MAPKAPK5: variants seen among roughly 807,000 people sequenced by gnomAD.
MAPKAPK5 encodes MAPK activated protein kinase 5.
MAPKAPK5 carries 30 observed loss-of-function variants against 65.1 expected under a neutral mutation model. The ratio of observed to expected loss-of-function variants is 0.46; its 90% CI spans 0.34 to 0.63. The LOEUF (loss-of-function observed/expected upper bound fraction) is 0.63, where lower values mean the gene tolerates loss of function less well. Among genes scored for constraint, MAPKAPK5 ranks in the 20% least tolerant of loss-of-function variants. The pLI is 0.01. For missense variants in MAPKAPK5, 433 were observed against 581.4 expected, an observed-to-expected ratio of 0.74 and a Z score of 2.63; for synonymous variants, 179 against 204.6, an observed-to-expected ratio of 0.87 and a Z score of 1.07.
chr12:111,842,544 C>T lies in MAPKAPK5; in HGVS notation c.-190C>T. 2.7e-6 allele frequency: 1 copy of T among 371,820 alleles called. No individual in the cohort carries two copies. The highest frequency in any genetic ancestry group is 4.7e-5 in the Admixed American group (1 of 21,268). 23.0% of individuals were successfully genotyped at this position (371,820 alleles called of 1,614,324 possible). ...CCGCCTCCGCCGCTGCTGCTGCCGCCAGCCTAGAGCCGCCCGCCGAAGCAG... is the reference window on the plus strand; with the variant it reads ...CCGCCTCCGCCGCTGCTGCTGCCGCTAGCCTAGAGCCGCCCGCCGAAGCAG... On this transcript the variant is annotated 5_prime_UTR_variant, in exon 1 of 14. Coordinates refer to ENST00000550735, the MANE Select transcript of MAPKAPK5 (RefSeq NM_003668.4).
intron 4 of MAPKAPK5, among the ~76,000 whole-genome samples, chr12:111,868,361 G>A (rs11066054): frequency 6.6e-6 from 1 of 152,044 alleles, no homozygotes; most frequent in Admixed American, 6.5e-5. Context: ...GGGAGGAGAG[G>A]TGTCTCACAA....
intron 10 of MAPKAPK5, 36 bp downstream of exon 10, chr12:111,886,072 CTG>C (rs754630542): frequency 1.2e-6 from 2 of 1,613,658 alleles, no homozygotes; most frequent in South Asian, 1.1e-5. Context: ...GCTGAAAAGA[CTG>C]TGTTGGGAAG....
At position 111,900,463 on chromosome 12, in the gene MAPKAPK5, G is replaced by C. The variant is rs1468401732; in HGVS notation, c.*7402G>C. 1.3e-5 allele frequency: 6 copies of C among 456,086 alleles called. No individual in the cohort carries two copies. The Admixed American group carries it at 1.4e-4, about 11-fold the overall frequency. The allele number at this position is 456,086 out of a possible 1,614,324, so 28.3% of individuals were successfully genotyped here. On this transcript the variant is annotated 3_prime_UTR_variant, in exon 14 of 14. Coordinates refer to ENST00000550735, the MANE Select transcript of MAPKAPK5 (RefSeq NM_003668.4). ...CATGAAAATATCACAAAAGAAAGTG[G>C]CTTCAGCAGCTGCAGCTCTGACTAC...
At chr12:111,847,730 GT>G (rs1800668834) in intron 1 of MAPKAPK5, among the ~76,000 whole-genome samples, 1 of 152,146 alleles carries the variant, frequency 6.6e-6, no homozygotes, top group Non-Finnish European at 1.5e-5. Flanking sequence ...TCACACTCTG[GT>G]GTATAATATT....
rs529926565 is a variant in MAPKAPK5 at position 111,869,066 on chromosome 12, G to A, written c.393+205G>A. ...GGTGGGGGTACTGTGTTCTTAATTG[G>A]TTGTCAACTGTTTCCTGAGGCTGCT... On this transcript the variant is annotated intron_variant, in intron 5 of 13. Transcript: ENST00000550735. Among the ~76,000 whole-genome samples the A allele has an allele frequency of 2.0e-5, 3 of 152,202 alleles. No individual in the cohort carries two copies. In the South Asian group the frequency reaches 6.2e-4, roughly 32 times the overall value.
chr12:111,875,405 T>A lies in MAPKAPK5; in HGVS notation c.579+4225T>A, dbSNP rs546537877. Among the ~76,000 whole-genome samples the A allele has an allele frequency of 8.7e-4, 132 of 151,952 alleles. 3 individuals carry two copies. Among genetic ancestry groups the A allele is most frequent in the South Asian group, 7.9e-3 (38 of 4,808 alleles). ...CATTTTTTTTAAAATTTAAAAAAAA[T>A]TTTTTTAAAATATTCCACTTCTACC... On this transcript the variant is annotated intron_variant, in intron 7 of 13. Coordinates refer to ENST00000550735, the MANE Select transcript of MAPKAPK5 (RefSeq NM_003668.4).
chr12:111,890,543 C>T (rs769607333), intron 13 of MAPKAPK5, among the ~76,000 whole-genome samples: 5 of 152,160 alleles, frequency 3.3e-5, no homozygotes, highest in Admixed American at 1.3e-4. Flanking sequence ...CTGCTGATCC[C>T]GCTGATCTGC....
chr12:111,891,981 G>A (rs2070631465), intron 13 of MAPKAPK5, among the ~76,000 whole-genome samples: 1 of 152,080 alleles, frequency 6.6e-6, no homozygotes, highest in Admixed American at 6.6e-5. Flanking sequence ...TCCATTCAAA[G>A]GTAATCACAG....
intron 10 of MAPKAPK5, among the ~76,000 whole-genome samples, chr12:111,887,057 T>C (rs952798967): frequency 2.6e-5 from 4 of 152,240 alleles, no homozygotes; most frequent in African/African-American, 7.2e-5. Context: ...GTTTTAGATA[T>C]TGTTTGAGAT....
At position 111,896,745 on chromosome 12, in the gene MAPKAPK5, T is replaced by C. The variant is rs558865846; in HGVS notation, c.*3684T>C. On this transcript the variant is annotated 3_prime_UTR_variant, in exon 14 of 14. Transcript: ENST00000550735. Reference sequence around the variant, plus strand: ...ATACTTTTAGACTTTACCACAGTTATAAAAGTCAGCTTGATGTAGTAAAAA... The same window carrying C: ...ATACTTTTAGACTTTACCACAGTTACAAAAGTCAGCTTGATGTAGTAAAAA... 1.3e-5 allele frequency: 2 copies of C among 152,224 alleles called. No homozygotes were observed. The highest frequency in any genetic ancestry group is 1.3e-4 in the Admixed American group (2 of 15,284). The allele number at this position is 152,224 out of a possible 1,614,324, so 9.4% of individuals were successfully genotyped here.
chr12:111,895,879 A>G lies in MAPKAPK5; in HGVS notation c.*2818A>G, dbSNP rs1038877002. ...CTCACCGGCAACAGAAGAAAAACCA[A>G]TGTTTTTAAATTTACTGACCAGAAA... On this transcript the variant is annotated 3_prime_UTR_variant, in exon 14 of 14. Transcript: ENST00000550735. 6.6e-6 allele frequency: 1 copy of G among 152,188 alleles called. No individual in the cohort carries two copies. The highest frequency in any genetic ancestry group is 6.5e-5 in the Admixed American group (1 of 15,276). 9.4% of individuals were successfully genotyped at this position (152,188 alleles called of 1,614,324 possible). A position where few individuals can be genotyped will look rare whatever the true frequency, so the allele number is the denominator to read the frequency against.
intron 12 of MAPKAPK5, chr12:111,889,232 A>G (rs546751972): frequency 2.3e-6 from 1 of 443,214 alleles, no homozygotes; most frequent in South Asian, 4.2e-5. Flanking sequence ...GTTTCTGTGG[A>G]ATTTCTAGTT....
intron 7 of MAPKAPK5, among the ~76,000 whole-genome samples, chr12:111,872,943 A>G (rs1332477310): frequency 1.3e-5 from 2 of 152,200 alleles, no homozygotes; most frequent in African/African-American, 2.4e-5. Flanking sequence ...TTGGGGGGCC[A>G]TTATTCTGCC....
chr12:111,843,830 T>G (rs1161606974), intron 1 of MAPKAPK5, among the ~76,000 whole-genome samples: 1 of 152,228 alleles, frequency 6.6e-6, no homozygotes, highest in Admixed American at 6.5e-5. Context: ...TGTTTGTTTT[T>G]GAGACGGAGT....
intron 3 of MAPKAPK5, among the ~76,000 whole-genome samples, chr12:111,866,952 C>T (rs959172769): frequency 6.6e-6 from 1 of 151,758 alleles, no homozygotes; most frequent in African/African-American, 2.4e-5. Flanking sequence ...TGTTTGAAAC[C>T]GAGTCTTGCT....
chr12:111,849,135 G>A (rs988529765), intron 1 of MAPKAPK5, among the ~76,000 whole-genome samples: 4 of 151,516 alleles, frequency 2.6e-5, no homozygotes, highest in Non-Finnish European at 4.4e-5. Context: ...TTTTAGAGAT[G>A]GGGTCTCACA....
At chr12:111,860,065 C>T (rs577575858) in intron 1 of MAPKAPK5, among the ~76,000 whole-genome samples, 1 of 152,172 alleles carries the variant, frequency 6.6e-6, no homozygotes, top group East Asian at 1.9e-4. Context: ...AGTGAAACTC[C>T]GTCTCAAAAG....
intron 13 of MAPKAPK5, among the ~76,000 whole-genome samples, chr12:111,890,541 C>T (rs145085749): frequency 1.3e-5 from 2 of 152,298 alleles, no homozygotes; most frequent in East Asian, 1.9e-4. Flanking sequence ...CCCTGCTGAT[C>T]CCGCTGATCT....
chr12:111,895,976 CTTACAG>C lies in MAPKAPK5; in HGVS notation c.*2919_*2924del, dbSNP rs2070796815. 6.6e-6 allele frequency: 1 copy of C among 152,154 alleles called. No homozygotes were observed. Among genetic ancestry groups the C allele is most frequent in the African/African-American group, 2.4e-5 (1 of 41,436 alleles). 9.4% of individuals were successfully genotyped at this position (152,154 alleles called of 1,614,324 possible). On this transcript the variant is annotated 3_prime_UTR_variant, in exon 14 of 14. Transcript: ENST00000550735. ...GAAATGCAAATCTTACAGATCACTT[CTTACAG>C]TTAGGAATACTGCACTTGTTTGTGT...
Sources: gnomAD v4.1 joint callset for allele counts (sites outside exome capture counted in the v4.1 genomes callset) on GRCh38, gnomAD v4.1.1 for gene constraint, MANE v1.5 for transcripts, NCBI Gene and HGNC (gene_info 2026-07-23, HGNC 2026-07-21) for gene names.